ZFHX3: variants seen among roughly 807,000 people sequenced by gnomAD.
ZFHX3 encodes the protein zinc finger homeobox protein 3.
A neutral mutation model predicts 279.1 loss-of-function variants in ZFHX3; 42 were observed. The observed-to-expected ratio is 0.15, with a 90% CI of 0.12 to 0.19. The LOEUF (loss-of-function observed/expected upper bound fraction) is 0.19. ZFHX3 is among the 10% of genes least tolerant of loss of function. ZFHX3 has a pLI of 1.00. For missense variants in ZFHX3, 4,981 were observed against 4,754.0 expected, an observed-to-expected ratio of 1.05 and a Z score of -1.40; for synonymous variants, 2,293 against 1,957.8, an observed-to-expected ratio of 1.17 and a Z score of -4.52.
At chr16:73,295,725 G>T (rs1208661204) in intron 4 of ZFHX3, among the ~76,000 whole-genome samples, 1 of 152,198 alleles carries the variant, frequency 6.6e-6, no homozygotes, top group African/African-American at 2.4e-5. Flanking sequence ...GGCTGGACAG[G>T]GGATGGATGA....
At position 72,811,566 on chromosome 16, in the gene ZFHX3, G is replaced by T; in HGVS notation, c.3864+11C>A. On this transcript the variant is annotated intron_variant, in intron 7 of 9. Transcript: ENST00000268489. ...AGAAAGACCACAGGGTGCTGCTCCT[G>T]GCTGCCTTACCGTCATAATGAGCTT... 1 of 1,570,952 alleles carries T rather than the reference G, an allele frequency of 6.4e-7. No homozygotes were observed. The highest frequency in any genetic ancestry group is 8.7e-7 in the Non-Finnish European group (1 of 1,154,380).
intron 5 of ZFHX3, among the ~76,000 whole-genome samples, chr16:73,187,399 T>C (rs1294134128): frequency 2.6e-5 from 4 of 151,794 alleles, no homozygotes; most frequent in African/African-American, 9.7e-5. Flanking sequence ...CAGAGAAACG[T>C]CAAGGACAGT....
At chr16:73,469,627 A>AC (rs1555518999) in intron 2 of ZFHX3, among the ~76,000 whole-genome samples, 200 of 149,980 alleles carry the variant, frequency 1.3e-3, no homozygotes, top group Non-Finnish European at 2.2e-3. Context: ...ATATATATAT[A>AC]TTTTTTTTGA....
intron 3 of ZFHX3, among the ~76,000 whole-genome samples, chr16:73,435,412 G>C (rs1371380501): frequency 1.3e-5 from 2 of 152,122 alleles, no homozygotes; most frequent in African/African-American, 4.8e-5. Context: ...ATTTTGCCAT[G>C]TTGGGCAGGC....
chr16:73,122,090 C>A (rs1281122918), intron 7 of ZFHX3, among the ~76,000 whole-genome samples: 1 of 152,132 alleles, frequency 6.6e-6, no homozygotes, highest in Non-Finnish European at 1.5e-5. Context: ...GGGCAGGAAC[C>A]ATATTTTATA....
At chr16:73,149,941 C>T (rs763149791) in intron 5 of ZFHX3, among the ~76,000 whole-genome samples, 5 of 152,104 alleles carry the variant, frequency 3.3e-5, no homozygotes, top group South Asian at 4.1e-4. Flanking sequence ...CTGACACCTG[C>T]GCAGTCAAAG....
chr16:72,927,501 TCA>T (rs1260594839), intron 3 of ZFHX3, among the ~76,000 whole-genome samples: 14 of 152,146 alleles, frequency 9.2e-5, no homozygotes, highest in Admixed American at 5.9e-4. Flanking sequence ...GGAAGTGACA[TCA>T]CACCTCACAA....
chr16:73,567,808 T>C (rs1050983202), intron 2 of ZFHX3, among the ~76,000 whole-genome samples: 1 of 152,222 alleles, frequency 6.6e-6, no homozygotes, highest in Non-Finnish European at 1.5e-5. Flanking sequence ...TTCGAATTTT[T>C]CAATAACGAG....
At chr16:73,546,639 C>T (rs1032149568) in intron 2 of ZFHX3, among the ~76,000 whole-genome samples, 1 of 151,578 alleles carries the variant, frequency 6.6e-6, no homozygotes, top group African/African-American at 2.4e-5. Flanking sequence ...CGCTTTAAGC[C>T]ATGGTGTGAG....
At chr16:73,177,993 T>C (rs1056823112) in intron 5 of ZFHX3, among the ~76,000 whole-genome samples, 1 of 152,172 alleles carries the variant, frequency 6.6e-6, no homozygotes, top group African/African-American at 2.4e-5. Context: ...GCTACCTCTC[T>C]GCAGGCATCA....
At chr16:73,479,380 C>T (rs751986581) in intron 2 of ZFHX3, among the ~76,000 whole-genome samples, 7 of 152,188 alleles carry the variant, frequency 4.6e-5, no homozygotes, top group Non-Finnish European at 1.0e-4. Context: ...CCCTGCCATA[C>T]AAGTCACGAA....
At chr16:73,697,007 A>C (rs1344008996) in intron 1 of ZFHX3, among the ~76,000 whole-genome samples, 1 of 152,216 alleles carries the variant, frequency 6.6e-6, no homozygotes, top group African/African-American at 2.4e-5. Flanking sequence ...GTTAATTTAG[A>C]AAAGAAAGGG....
rs562342364 is a variant in ZFHX3 at position 72,988,734 on chromosome 16, T to C, written c.-49-28540A>G. ...ATGTGTCAACACAATAAATAATTTC[T>C]CCAACAAAACTTATAACCATCAGCA... On this transcript the variant is annotated intron_variant, in intron 1 of 9. Transcript: ENST00000268489. Among the ~76,000 whole-genome samples the C allele has an allele frequency of 6.3e-4, 96 of 152,348 alleles. 1 individual carries two copies. The Middle Eastern group carries it at 0.01, about 16-fold the overall frequency.
chr16:73,546,737 T>TGCTGCTGC (rs1567515721), intron 2 of ZFHX3, among the ~76,000 whole-genome samples: 1 of 135,826 alleles, frequency 7.4e-6, no homozygotes, highest in Non-Finnish European at 1.6e-5. Context: ...GCTGCTGCTG[T>TGCTGCTGC]TGCTTCTTTT....
intron 5 of ZFHX3, among the ~76,000 whole-genome samples, chr16:73,236,492 A>T (rs771184398): frequency 7.9e-5 from 12 of 152,162 alleles, no homozygotes; most frequent in Non-Finnish European, 1.3e-4. Context: ...TGCGGGGCTG[A>T]AGCACGGGAA....
intron 1 of ZFHX3, among the ~76,000 whole-genome samples, chr16:73,854,344 G>A (rs1262140788): frequency 1.3e-5 from 2 of 152,094 alleles, no homozygotes; most frequent in African/African-American, 4.8e-5. Flanking sequence ...TGGCCAACAT[G>A]GTGACACTTC....
At chr16:73,776,167 G>A (rs976324314) in intron 1 of ZFHX3, among the ~76,000 whole-genome samples, 1 of 152,104 alleles carries the variant, frequency 6.6e-6, no homozygotes. Context: ...TGCAAATCGC[G>A]TTGTGCTTCC....
intron 8 of ZFHX3, among the ~76,000 whole-genome samples, chr16:73,074,797 CTTTT>C (rs939469631): frequency 1.1e-4 from 17 of 149,430 alleles, no homozygotes; most frequent in African/African-American, 4.1e-4. Context: ...TTTTTCTTTT[CTTTT>C]CCTTTTCTTT....
intron 4 of ZFHX3, among the ~76,000 whole-genome samples, chr16:72,888,699 T>A (rs539653645): frequency 1.3e-5 from 2 of 152,284 alleles, no homozygotes; most frequent in African/African-American, 4.8e-5. Flanking sequence ...GGCAACAATT[T>A]CAAACATTGC....
Sources: gnomAD v4.1 joint callset for allele counts (sites outside exome capture counted in the v4.1 genomes callset) on GRCh38, gnomAD v4.1.1 for gene constraint, MANE v1.5 for transcripts, NCBI Gene and HGNC (gene_info 2026-07-23, HGNC 2026-07-21) for gene names.